Variants in CFAP92 observed in about 807,000 individuals in gnomAD.
CFAP92 encodes uncharacterized protein CFAP92.
In CFAP92, 86 loss-of-function variants were observed where a neutral mutation model predicts 106.3. The ratio of observed to expected loss-of-function variants is 0.81; its 90% CI spans 0.68 to 0.97. The LOEUF (loss-of-function observed/expected upper bound fraction) is 0.97. Among genes scored for constraint, CFAP92 ranks in the 50% least tolerant of loss-of-function variants. The pLI, the probability that CFAP92 is intolerant of heterozygous loss-of-function variation, is 0.00. For synonymous variants in CFAP92, 477 were observed against 506.4 expected (o/e 0.94, Z 0.78); for missense variants, 1,204 against 1,283.8 (o/e 0.94, Z 0.95).
chr3:129,001,693 G>C, intron 1 of CFAP92: 1 of 1,492,320 alleles, frequency 6.7e-7, no homozygotes, highest in Non-Finnish European at 8.9e-7. Context: ...CCGTACCGGC[G>C]ACCTGCGCGG....
intron 9 of CFAP92, among the ~76,000 whole-genome samples, chr3:128,952,743 T>G (rs1055712474): frequency 3.3e-5 from 5 of 152,026 alleles, no homozygotes; most frequent in Non-Finnish European, 7.4e-5. Context: ...ATAGTGCCAT[T>G]GTACTCCAGC....
intron 4 of CFAP92, among the ~76,000 whole-genome samples, chr3:128,982,888 C>T (rs1195195588): frequency 2.0e-5 from 3 of 152,172 alleles, no homozygotes; most frequent in South Asian, 2.1e-4. Context: ...ACATGCAGTT[C>T]GTGGCACCTC....
At chr3:128,928,152 C>T (rs2107697707) in intron 12 of CFAP92, among the ~76,000 whole-genome samples, 1 of 152,174 alleles carries the variant, frequency 6.6e-6, no homozygotes, top group East Asian at 1.9e-4. Flanking sequence ...ACTTGGGAGG[C>T]TGAGGCAGGA....
At chr3:128,993,494 C>T (rs921232785) in intron 1 of CFAP92, 158 bp from the exon 2 acceptor site, 7 of 683,384 alleles carry the variant, frequency 1.0e-5, no homozygotes, top group African/African-American at 1.8e-5. Context: ...GCCACACAGT[C>T]GGTACTCAAT....
At chr3:128,952,388 C>A (rs1036371669) in intron 9 of CFAP92, among the ~76,000 whole-genome samples, 1 of 151,890 alleles carries the variant, frequency 6.6e-6, no homozygotes, top group African/African-American at 2.4e-5. Flanking sequence ...CCAGCTTAAA[C>A]GTAAGATTCA....
intron 12 of CFAP92, among the ~76,000 whole-genome samples, chr3:128,926,397 C>G (rs1466760576): frequency 6.6e-6 from 1 of 152,132 alleles, no homozygotes; most frequent in Non-Finnish European, 1.5e-5. Context: ...ACCTGTAGTT[C>G]CAGCCACTCA....
At position 128,910,147 on chromosome 3, in the gene CFAP92, G is replaced by A. The variant is rs780654152; in HGVS notation, c.*152C>T. The A allele has an allele frequency of 6.2e-7, 1 of 1,614,042 alleles. No homozygotes were observed. The highest frequency in any genetic ancestry group is 8.5e-7 in the Non-Finnish European group (1 of 1,180,054). ...CATTGGGCTCCGCAACCACGACCAC[G>A]AGGTGAGCCCAGCCCAGCCTCACAC... On this transcript the variant is annotated 3_prime_UTR_variant, in exon 16 of 16. Coordinates refer to ENST00000645291, the MANE Select transcript of CFAP92 (RefSeq NM_001394090.1).
chr3:128,927,499 T>C (rs1937804542), intron 12 of CFAP92, among the ~76,000 whole-genome samples: 1 of 151,964 alleles, frequency 6.6e-6, no homozygotes, highest in Non-Finnish European at 1.5e-5. Flanking sequence ...GGCGGGTGGA[T>C]CAACGAGGTC....
intron 9 of CFAP92, among the ~76,000 whole-genome samples, chr3:128,962,577 C>A (rs1278649900): frequency 1.3e-5 from 2 of 152,108 alleles, no homozygotes; most frequent in African/African-American, 2.4e-5. Flanking sequence ...CTCTTGTATT[C>A]CCCCACCTTA....
Position 129,002,524 on chromosome 3 carries a change from T to TA in CFAP92, n.117+49dup, listed in dbSNP as rs1325272966. ...CCACTCCAGTCCCCAACCCTATTCT[T>TA]ACCACCTATTCCATTCCTGAAAACC... On this transcript the variant is annotated intron_variant and non_coding_transcript_variant, in intron 1 of 4. Coordinates refer to the CFAP92 transcript ENST00000510149. 11 of 1,079,106 alleles carry TA rather than the reference T, an allele frequency of 1.0e-5. No individual in the cohort carries two copies. The African/African-American group carries it at 1.8e-4, about 18-fold the overall frequency. 66.8% of individuals were successfully genotyped at this position (1,079,106 alleles called of 1,614,324 possible).
intron 2 of CFAP92, 115 bp from the exon 3 acceptor site, chr3:128,989,033 C>T (rs2107816960): frequency 2.6e-6 from 2 of 783,672 alleles, no homozygotes; most frequent in Non-Finnish European, 4.1e-6. Flanking sequence ...ACATTGCCTG[C>T]CCGACTTGGG....
chr3:128,929,027 G>A (rs920383258), intron 12 of CFAP92, among the ~76,000 whole-genome samples: 9 of 152,176 alleles, frequency 5.9e-5, no homozygotes, highest in Admixed American at 1.3e-4. Context: ...GGAAGCCAAC[G>A]TGGGAGGACT....
In CFAP92 at chr3:128,973,781, T is replaced by C. The variant is rs966682511; in HGVS notation, c.1021+1998A>G. On this transcript the variant is annotated intron_variant, in intron 7 of 15. Coordinates refer to ENST00000645291, the MANE Select transcript of CFAP92 (RefSeq NM_001394090.1). ...ACTGGGCCAATGCCGTGGACTCACA[T>C]GTGTGCCCAGATGCTCACCATGGCA... 2.1e-4 allele frequency among the ~76,000 whole-genome samples: 32 copies of C among 152,102 alleles called. 2 individuals carry two copies. Among genetic ancestry groups the C allele is most frequent in the Non-Finnish European group, 5.9e-5 (4 of 68,028 alleles).
chr3:128,910,254 C>T lies in CFAP92; in HGVS notation c.*45G>A. 6.4e-7 allele frequency: 1 copy of T among 1,566,560 alleles called. No individual in the cohort carries two copies. ...AGGGTGTGGTCGGGTGTGGGGGAGG[C>T]TGTGCAGGTTCACCATGCGGTGGCC... is the stretch of plus-strand genomic sequence containing the variant. On this transcript the variant is annotated 3_prime_UTR_variant, in exon 16 of 16. Transcript: ENST00000645291.
chr3:128,924,466 CAG>C (rs369172615), intron 12 of CFAP92, among the ~76,000 whole-genome samples: 4,479 of 78,356 alleles, frequency 0.057, 250 homozygotes, highest in African/African-American at 0.15. Context: ...TTTTTTGAGA[CAG>C]AGTTTCGCTC....
chr3:128,935,321 T>G lies in CFAP92; in HGVS notation c.2259-2A>C. 1.3e-6 allele frequency: 2 copies of G among 1,495,110 alleles called. No homozygotes were observed. The highest frequency in any genetic ancestry group is 1.8e-6 in the Non-Finnish European group (2 of 1,120,112). 92.6% of individuals were successfully genotyped at this position (1,495,110 alleles called of 1,614,324 possible). ...TTCCTGTGTTCTGACCTGGGAATCCTGCAAGAGACAGAAGGCCAAGAGCTA... is the reference window on the plus strand; with the variant it reads ...TTCCTGTGTTCTGACCTGGGAATCCGGCAAGAGACAGAAGGCCAAGAGCTA... On this transcript the variant is annotated splice_acceptor_variant, in intron 10 of 15. Coordinates refer to ENST00000645291, the MANE Select transcript of CFAP92 (RefSeq NM_001394090.1). LOFTEE classifies it high-confidence loss of function.
In CFAP92 at chr3:129,001,611, G is replaced by A. The variant is rs72977188; in HGVS notation, n.117+963C>T. 6,026 of 1,354,926 alleles carry A rather than the reference G, an allele frequency of 4.4e-3. 208 individuals carry two copies. The African/African-American group carries it at 0.076, about 17-fold the overall frequency. 83.9% of individuals were successfully genotyped at this position (1,354,926 alleles called of 1,614,324 possible). On this transcript the variant is annotated intron_variant and non_coding_transcript_variant, in intron 1 of 4. Transcript: ENST00000510149. ...GGACCGGAGGAGGGACCGGAGGAGC[G>A]AGGCGCGCGGCGCAGCGATGGAGCC...
At chr3:128,995,467 G>A (rs186738203), upstream of CFAP92, among the ~76,000 whole-genome samples, 1 of 152,314 alleles carries the variant, frequency 6.6e-6, no homozygotes, top group East Asian at 1.9e-4. Flanking sequence ...GCCAGGAAGT[G>A]CTCAGGAGAC....
At chr3:128,963,935 C>T (rs573897228) in intron 9 of CFAP92, among the ~76,000 whole-genome samples, 1 of 152,206 alleles carries the variant, frequency 6.6e-6, no homozygotes, top group South Asian at 2.1e-4. Flanking sequence ...ATGCCCGAGT[C>T]AGGAAACTAA....
Sources: allele counts gnomAD v4.1 joint callset (sites outside exome capture counted in the v4.1 genomes callset), GRCh38; gene constraint gnomAD v4.1.1; transcripts MANE v1.5; gene names NCBI Gene and HGNC (gene_info 2026-07-23, HGNC 2026-07-21).